LDAH: variants seen among roughly 807,000 people sequenced by gnomAD.
LDAH encodes the protein lipid droplet-associated hydrolase.
Under a neutral mutation model 29.6 loss-of-function variants are expected in LDAH, and 26 were observed. That is an observed-to-expected ratio of 0.88 (90% confidence interval 0.64 to 1.22). The LOEUF is 1.22. Among genes scored for constraint, LDAH ranks in the 50% most tolerant of loss-of-function variants. The probability of loss-of-function intolerance (pLI) is 0.00; values close to 1 mark genes in which losing one functional copy is unlikely to be tolerated. For synonymous variants in LDAH, 117 were observed against 133.0 expected (o/e 0.88, Z 0.83); for missense variants, 344 against 387.3 (o/e 0.89, Z 0.94).
chr2:20,802,917 G>C (rs1275817351), intron 1 of LDAH, among the ~76,000 whole-genome samples: 4 of 152,140 alleles, frequency 2.6e-5, no homozygotes, highest in African/African-American at 4.8e-5. Context: ...TGTCAATACA[G>C]TGCACTGGAA....
At chr2:20,811,497 GT>G (rs1174903659) in intron 1 of LDAH, among the ~76,000 whole-genome samples, 4 of 141,296 alleles carry the variant, frequency 2.8e-5, no homozygotes, top group African/African-American at 8.2e-5. Flanking sequence ...TTTTTTTTTT[GT>G]TTTTTGAGAT....
intron 1 of LDAH, among the ~76,000 whole-genome samples, chr2:20,820,320 A>C (rs1382323124): frequency 4.6e-5 from 7 of 152,194 alleles, no homozygotes; most frequent in South Asian, 2.1e-4. Flanking sequence ...AGTCCTAAGC[A>C]AAAAGAACAA....
At chr2:20,802,511 C>T (rs1243412600) in intron 1 of LDAH, among the ~76,000 whole-genome samples, 1 of 152,172 alleles carries the variant, frequency 6.6e-6, no homozygotes, top group Non-Finnish European at 1.5e-5. Flanking sequence ...ACTCCTCCAC[C>T]TCTGCCTCTG....
At chr2:20,813,615 A>G (rs1444141193) in intron 1 of LDAH, among the ~76,000 whole-genome samples, 1 of 152,178 alleles carries the variant, frequency 6.6e-6, no homozygotes, top group Non-Finnish European at 1.5e-5. Flanking sequence ...CAGATTGCCA[A>G]GTGTGAAATT....
chr2:20,732,290 ATATTT>A (rs1666465154), intron 5 of LDAH, among the ~76,000 whole-genome samples: 1 of 152,100 alleles, frequency 6.6e-6, no homozygotes, highest in South Asian at 2.1e-4. Flanking sequence ...CTGTTTGCTA[ATATTT>A]TATTAGAGAT....
chr2:20,753,161 G>T (rs1013244422), intron 4 of LDAH, among the ~76,000 whole-genome samples: 2 of 152,128 alleles, frequency 1.3e-5, no homozygotes, highest in Admixed American at 6.5e-5. Context: ...GCCACTGTCT[G>T]CTACTTCTCT....
chr2:20,789,374 C>T (rs1315437554), intron 3 of LDAH: 14 of 1,493,134 alleles, frequency 9.4e-6, no homozygotes, highest in African/African-American at 1.4e-5. Context: ...CATCAGACAT[C>T]GAATCTGCCA....
intron 4 of LDAH, among the ~76,000 whole-genome samples, chr2:20,758,096 T>C (rs1668455147): frequency 1.3e-5 from 2 of 152,172 alleles, no homozygotes; most frequent in Admixed American, 6.6e-5. Flanking sequence ...ATAGACAAGA[T>C]AATATAACCA....
intron 4 of LDAH, among the ~76,000 whole-genome samples, chr2:20,751,571 G>A (rs532864097): frequency 3.9e-5 from 6 of 152,248 alleles, no homozygotes; most frequent in African/African-American, 1.4e-4. Flanking sequence ...AGTCTTATGA[G>A]AGTAAATGCC....
At chr2:20,788,084 C>G (rs1670683152) in intron 3 of LDAH, among the ~76,000 whole-genome samples, 1 of 152,058 alleles carries the variant, frequency 6.6e-6, no homozygotes, top group Non-Finnish European at 1.5e-5. Flanking sequence ...TTTTTATTTT[C>G]TTATTCAGTT....
intron 4 of LDAH, among the ~76,000 whole-genome samples, chr2:20,751,548 T>C (rs1286683973): frequency 5.3e-5 from 8 of 152,226 alleles, no homozygotes; most frequent in Non-Finnish European, 8.8e-5. Context: ...AATACACACA[T>C]ATGCTCTCCC....
chr2:20,750,803 T>C (rs2124898355), intron 4 of LDAH, among the ~76,000 whole-genome samples: 1 of 152,282 alleles, frequency 6.6e-6, no homozygotes, highest in South Asian at 2.1e-4. Context: ...ATGGTACATA[T>C]ACTCCATGGA....
chr2:20,752,688 C>T (rs1047033804), intron 4 of LDAH, among the ~76,000 whole-genome samples: 3 of 151,754 alleles, frequency 2.0e-5, no homozygotes, highest in Non-Finnish European at 2.9e-5. Flanking sequence ...AAATGGGTGG[C>T]TTCAAATAAC....
chr2:20,820,038 C>T (rs1426043990), intron 1 of LDAH, among the ~76,000 whole-genome samples: 1 of 151,702 alleles, frequency 6.6e-6, no homozygotes, highest in Non-Finnish European at 1.5e-5. Flanking sequence ...AACAAAATAC[C>T]TAGGAATCCA....
chr2:20,820,159 G>A (rs889136130), intron 1 of LDAH, among the ~76,000 whole-genome samples: 1 of 152,006 alleles, frequency 6.6e-6, no homozygotes, highest in African/African-American at 2.4e-5. Flanking sequence ...TGGATAGGAA[G>A]AATCAATATT....
intron 3 of LDAH, among the ~76,000 whole-genome samples, chr2:20,778,712 G>A (rs940769203): frequency 3.9e-5 from 6 of 152,242 alleles, no homozygotes; most frequent in Non-Finnish European, 8.8e-5. Flanking sequence ...AAGCATTTGT[G>A]TGAGAAAAGA....
chr2:20,818,141 C>G (rs1249294230), intron 1 of LDAH, among the ~76,000 whole-genome samples: 2 of 152,076 alleles, frequency 1.3e-5, no homozygotes, highest in Admixed American at 1.3e-4. Flanking sequence ...GTATCAATGT[C>G]AATTTCCCAG....
chr2:20,711,533 G>T (rs1664766913), intron 5 of LDAH, among the ~76,000 whole-genome samples: 1 of 152,214 alleles, frequency 6.6e-6, no homozygotes, highest in Admixed American at 6.5e-5. Context: ...CATTGGGACT[G>T]GTTGGACAGT....
chr2:20,774,346 A>T (rs1203133966), intron 4 of LDAH, among the ~76,000 whole-genome samples: 1 of 151,770 alleles, frequency 6.6e-6, no homozygotes, highest in Non-Finnish European at 1.5e-5. Context: ...TAAGAATCTG[A>T]ACTTATGAAT....
Sources: gnomAD v4.1 joint callset for allele counts (sites outside exome capture counted in the v4.1 genomes callset) on GRCh38, gnomAD v4.1.1 for gene constraint, MANE v1.5 for transcripts, NCBI Gene and HGNC (gene_info 2026-07-23, HGNC 2026-07-21) for gene names.